Variants in FEZ1 observed in about 807,000 individuals in gnomAD.
FEZ1 encodes fasciculation and elongation protein zeta 1.
Under a neutral mutation model 49.3 loss-of-function variants are expected in FEZ1, and 20 were observed. The ratio of observed to expected loss-of-function variants is 0.41; its 90% confidence interval spans 0.29 to 0.59. FEZ1 has a LOEUF of 0.59. Among genes scored for constraint, FEZ1 ranks in the 20% least tolerant of loss-of-function variants. FEZ1 has a pLI of 0.36. For missense variants in FEZ1, 413 were observed against 476.0 expected, an observed-to-expected ratio of 0.87 and a Z score of 1.23; for synonymous variants, 170 against 180.9, an observed-to-expected ratio of 0.94 and a Z score of 0.48.
chr11:125,482,209 A>C (rs1321086200), intron 2 of FEZ1, among the ~76,000 whole-genome samples: 1 of 152,214 alleles, frequency 6.6e-6, no homozygotes. Context: ...TAGGTAAGGG[A>C]ATAATGCCAA....
intron 5 of FEZ1, among the ~76,000 whole-genome samples, chr11:125,457,651 C>T (rs1208120498): frequency 6.6e-6 from 1 of 151,194 alleles, no homozygotes; most frequent in Non-Finnish European, 1.5e-5. Context: ...TTTGTGGGTA[C>T]ATAGGGGGTG....
chr11:125,460,447 G>A (rs753848285), intron 5 of FEZ1, 51 bp downstream of exon 5: 1 of 1,548,898 alleles, frequency 6.5e-7, no homozygotes, highest in Non-Finnish European at 8.8e-7. Context: ...CCAGAGCCTG[G>A]CCCCGAGCAG....
rs1003640743 is a variant in FEZ1, at chr11:125,496,245, G to A, written c.-170C>T. ...AGAGCCAGCCAGCCAGCCAGCCAGC[G>A]AGCGCTCCCCGCGCAGCTCCGGCGG... On this transcript the variant is annotated 5_prime_UTR_variant, in exon 1 of 10. Coordinates refer to ENST00000278919, the MANE Select transcript of FEZ1 (RefSeq NM_005103.5). The A allele has an allele frequency of 1.3e-5, 2 of 152,564 alleles. No homozygotes were observed. The highest frequency in any genetic ancestry group is 4.8e-5 in the African/African-American group (2 of 41,338). The allele number at this position is 152,564 out of a possible 1,614,324, so 9.5% of individuals were successfully genotyped here.
At chr11:125,454,856 A>C (rs1266937391) in intron 6 of FEZ1, among the ~76,000 whole-genome samples, 1 of 151,638 alleles carries the variant, frequency 6.6e-6, no homozygotes, top group Non-Finnish European at 1.5e-5. Context: ...TCTACTAAAA[A>C]TACAAAAATT....
chr11:125,444,688 T>C lies in FEZ1; in HGVS notation c.*1407A>G, dbSNP rs528360496. Among the ~76,000 whole-genome samples, 1 of 152,274 alleles carries C rather than the reference T, an allele frequency of 6.6e-6. No homozygotes were observed. The highest frequency in any genetic ancestry group is 6.5e-5 in the Admixed American group (1 of 15,302). On this transcript the variant is annotated 3_prime_UTR_variant, in exon 10 of 10. Coordinates refer to ENST00000278919, the MANE Select transcript of FEZ1 (RefSeq NM_005103.5). ...GCCTTCTGTGGAGCTGCTGATGTGATAAAGTATGGCTTTCTCTGTGGCATG... is the reference window on the plus strand; with the variant it reads ...GCCTTCTGTGGAGCTGCTGATGTGACAAAGTATGGCTTTCTCTGTGGCATG...
intron 9 of FEZ1, among the ~76,000 whole-genome samples, chr11:125,446,728 A>G (rs1170059986): frequency 6.6e-6 from 1 of 151,806 alleles, no homozygotes; most frequent in Non-Finnish European, 1.5e-5. Flanking sequence ...CCCAGGCTGG[A>G]TGCAGTGGTG....
intron 5 of FEZ1, among the ~76,000 whole-genome samples, chr11:125,456,841 CAT>C (rs1957015252): frequency 6.6e-6 from 1 of 152,074 alleles, no homozygotes; most frequent in African/African-American, 2.4e-5. Flanking sequence ...TATATATTTT[CAT>C]AGTTGAGATT....
intron 3 of FEZ1, among the ~76,000 whole-genome samples, chr11:125,474,117 C>T (rs1009320721): frequency 4.6e-5 from 7 of 151,508 alleles, no homozygotes; most frequent in Non-Finnish European, 1.0e-4. Flanking sequence ...CTCTGCCTCC[C>T]GGGTTCAAGC....
intron 1 of FEZ1, among the ~76,000 whole-genome samples, chr11:125,491,102 G>C (rs969975909): frequency 2.6e-5 from 4 of 152,222 alleles, no homozygotes; most frequent in Admixed American, 2.6e-4. Context: ...AGGAGCAGAG[G>C]AATAGACTAA....
chr11:125,461,293 A>G (rs892624362), intron 4 of FEZ1, among the ~76,000 whole-genome samples: 1 of 152,168 alleles, frequency 6.6e-6, no homozygotes, highest in Non-Finnish European at 1.5e-5. Context: ...GGAAAATTAG[A>G]TATCTGCCAA....
At chr11:125,478,718 GATAGAAGAA>G (rs933305923) in intron 3 of FEZ1, among the ~76,000 whole-genome samples, 2 of 152,178 alleles carry the variant, frequency 1.3e-5, no homozygotes, top group Admixed American at 1.3e-4. Context: ...CCATGGGTTA[GATAGAAGAA>G]ATACTACAAG....
rs74520437 is a variant in FEZ1, at chr11:125,495,180, C to G, written c.-46+941G>C. Reference sequence around the variant, plus strand: ...CCATCTCAGATCCCCCTCCTCCCCCCAGTCCGGTGGGGTAAAGAAAGCCTC... The same window carrying G: ...CCATCTCAGATCCCCCTCCTCCCCCGAGTCCGGTGGGGTAAAGAAAGCCTC... On this transcript the variant is annotated intron_variant, in intron 1 of 9. Coordinates refer to ENST00000278919, the MANE Select transcript of FEZ1 (RefSeq NM_005103.5). This position sits in a 1 kb window ranked among gnomAD's most constrained non-coding sequence, Gnocchi z 4.2. 9 of 357,774 alleles carry G rather than the reference C, an allele frequency of 2.5e-5. No individual in the cohort carries two copies. Among genetic ancestry groups the G allele is most frequent in the Admixed American group, 2.0e-4 (5 of 25,276 alleles). 22.2% of individuals were successfully genotyped at this position (357,774 alleles called of 1,614,324 possible). A position where few individuals can be genotyped will look rare whatever the true frequency, so the allele number is the denominator to read the frequency against.
At chr11:125,461,079 G>A (rs1251548630) in intron 4 of FEZ1, among the ~76,000 whole-genome samples, 6 of 152,212 alleles carry the variant, frequency 3.9e-5, no homozygotes, top group East Asian at 3.9e-4. Context: ...AAAAAATAGC[G>A]TGCTCCTAGA....
intron 3 of FEZ1, among the ~76,000 whole-genome samples, chr11:125,467,999 T>A (rs1168863519): frequency 6.6e-6 from 1 of 152,132 alleles, no homozygotes; most frequent in Non-Finnish European, 1.5e-5. Flanking sequence ...CCAGTAAAAG[T>A]GGTAAATTGT....
intron 2 of FEZ1, among the ~76,000 whole-genome samples, chr11:125,484,953 C>G (rs1312860135): frequency 1.3e-5 from 2 of 152,150 alleles, no homozygotes; most frequent in African/African-American, 4.8e-5. Flanking sequence ...GAAGGGCTGT[C>G]TATCCCATCA....
intron 3 of FEZ1, among the ~76,000 whole-genome samples, chr11:125,465,554 T>C (rs1957119985): frequency 6.6e-6 from 1 of 152,192 alleles, no homozygotes; most frequent in African/African-American, 2.4e-5. Flanking sequence ...AAATCAATTA[T>C]AAGCTTATGA....
chr11:125,481,143 T>C (rs1415470325), intron 3 of FEZ1, among the ~76,000 whole-genome samples: 1 of 152,162 alleles, frequency 6.6e-6, no homozygotes, highest in Non-Finnish European at 1.5e-5. Context: ...AGATGACCAT[T>C]CCTATCATTT....
rs766697474 is a variant in FEZ1, at chr11:125,460,674, AG to A, written c.499-9del. 2.5e-6 allele frequency: 4 copies of A among 1,612,724 alleles called. No individual in the cohort carries two copies. The African/African-American group carries it at 5.3e-5, about 21-fold the overall frequency. ...CTCAATCTCCTCAATTACCTGAAGAAGGTACACGAGAGAGTGCTAACTCTGT... is the reference window on the plus strand; with the variant it reads ...CTCAATCTCCTCAATTACCTGAAGAAGTACACGAGAGAGTGCTAACTCTGT... On this transcript the variant is annotated splice_polypyrimidine_tract_variant and intron_variant, in intron 4 of 9. Transcript: ENST00000278919.
chr11:125,493,779 A>C (rs991595473), intron 1 of FEZ1, among the ~76,000 whole-genome samples: 5 of 152,232 alleles, frequency 3.3e-5, no homozygotes, highest in African/African-American at 1.2e-4. Flanking sequence ...AGGTATTTAC[A>C]CTGCCTTTAA....
Sources: allele counts gnomAD v4.1 joint callset (sites outside exome capture counted in the v4.1 genomes callset), GRCh38; gene constraint gnomAD v4.1.1; non-coding constraint Gnocchi (gnomAD v3.1); transcripts MANE v1.5; gene names NCBI Gene and HGNC (gene_info 2026-07-23, HGNC 2026-07-21).